Variants in ANKS3 observed in about 807,000 individuals in gnomAD.
The protein encoded by ANKS3 is ankyrin repeat and SAM domain-containing protein 3.
Under a neutral mutation model 80.7 loss-of-function variants are expected in ANKS3, and 62 were observed. The observed-to-expected ratio is 0.77, with a 90% CI of 0.63 to 0.95. The LOEUF is 0.95. ANKS3 is among the 40% of genes least tolerant of loss of function. The pLI is 0.00. For missense variants in ANKS3, 1,150 were observed against 883.6 expected (o/e 1.30, Z -3.82); for synonymous variants, 489 against 355.3 (o/e 1.38, Z -4.23).
At chr16:4,697,264 G>A in intron 16 of ANKS3, 69 bp downstream of exon 16, 3 of 1,551,332 alleles carry the variant, frequency 1.9e-6, no homozygotes, top group South Asian at 1.2e-5. Flanking sequence ...CGCTTTCCCT[G>A]GAAAGGGGTC....
chr16:4,714,040 G>A lies in ANKS3; in HGVS notation c.709+11C>T. On this transcript the variant is annotated intron_variant, in intron 7 of 17. Coordinates refer to ENST00000304283, the MANE Select transcript of ANKS3 (RefSeq NM_133450.4). ...AGACCCCAGCAGGGCGCGGCTGGCAGGTGTGGGTACCTGGGCTCCGATAGA... is the reference window on the plus strand; with the variant it reads ...AGACCCCAGCAGGGCGCGGCTGGCAAGTGTGGGTACCTGGGCTCCGATAGA... 6.2e-7 allele frequency: 1 copy of A among 1,613,892 alleles called. No homozygotes were observed. Among genetic ancestry groups the A allele is most frequent in the African/African-American group, 1.3e-5 (1 of 75,024 alleles).
intron 3 of ANKS3, among the ~76,000 whole-genome samples, chr16:4,728,659 G>C (rs1453308035): frequency 2.0e-5 from 3 of 151,786 alleles, no homozygotes; most frequent in East Asian, 3.9e-4. Context: ...CTTACTATCA[G>C]CAAGCCTCCA....
At chr16:4,731,691 C>G (rs859323) in intron 1 of ANKS3, 112 bp from the exon 2 acceptor site, 294,417 of 513,488 alleles carry the variant, frequency 0.57, 85,763 homozygotes, top group East Asian at 0.67. Context: ...CCCCAACAGA[C>G]AAACCAGGAT....
chr16:4,698,159 G>T, intron 14 of ANKS3, 97 bp from the exon 15 acceptor site: 1 of 1,384,912 alleles, frequency 7.2e-7, no homozygotes, highest in Non-Finnish European at 9.9e-7. Context: ...GCTCAGCCCT[G>T]TCCTTGCAGC....
At chr16:4,712,520 GTAAGGTTGATT>G (rs954572464) in intron 7 of ANKS3, among the ~76,000 whole-genome samples, 9 of 152,138 alleles carry the variant, frequency 5.9e-5, no homozygotes, top group African/African-American at 1.9e-4. Context: ...TGCCAAGAAT[GTAAGGTTGATT>G]CATTATTAGG....
At chr16:4,700,884 G>C (rs762758573) in intron 11 of ANKS3, 86 bp downstream of exon 11, 2 of 1,534,990 alleles carry the variant, frequency 1.3e-6, no homozygotes, top group Non-Finnish European at 9.0e-7. Context: ...AGCAGCGCCT[G>C]GCACGTCATA....
At chr16:4,705,770 T>C (rs1366945469) in intron 7 of ANKS3, among the ~76,000 whole-genome samples, 1 of 152,088 alleles carries the variant, frequency 6.6e-6, no homozygotes. Flanking sequence ...AGGAGTTTAT[T>C]ATCTCTGTTG....
chr16:4,700,017 G>T (rs536011280), intron 11 of ANKS3: 1 of 152,494 alleles, frequency 6.6e-6, no homozygotes, highest in South Asian at 2.1e-4. Context: ...TGAAGGGACC[G>T]AGACGTGTGC....
At chr16:4,707,127 G>C (rs918271290) in intron 7 of ANKS3, among the ~76,000 whole-genome samples, 1 of 152,136 alleles carries the variant, frequency 6.6e-6, no homozygotes, top group Non-Finnish European at 1.5e-5. Context: ...CAATAAGCAA[G>C]GGAACGGCAG....
intron 11 of ANKS3, chr16:4,699,687 G>A (rs561790365): frequency 6.0e-6 from 1 of 167,934 alleles, no homozygotes; most frequent in Non-Finnish European, 1.3e-5. Context: ...GAATGCCACT[G>A]TATGGGGTGG....
intron 1 of ANKS3, among the ~76,000 whole-genome samples, chr16:4,731,926 G>A (rs944726843): frequency 1.3e-5 from 2 of 152,160 alleles, no homozygotes; most frequent in Admixed American, 6.5e-5. Flanking sequence ...GGAAACAAGG[G>A]TAGGAAAGGG....
Position 4,705,120 on chromosome 16 carries a change from G to T in ANKS3, c.843C>A (p.Gly281=). The change falls in exon 8 of 18, where the codon GGC becomes GGA. Residue 281 remains glycine (G), a synonymous_variant. Transcript: ENST00000304283. The part of the protein sequence containing the change: ...ALARITGIGL[G]GRAPRPRYEQ... Reference sequence around the variant, plus strand: ...CATAGCGAGGCCGTGGGGCTCTGCCGCCCAGGCCAATGCCTGTGATCCTGG... The same window carrying T: ...CATAGCGAGGCCGTGGGGCTCTGCCTCCCAGGCCAATGCCTGTGATCCTGG... The T allele has an allele frequency of 1.2e-6, 2 of 1,612,912 alleles. No individual in the cohort carries two copies. Among genetic ancestry groups the T allele is most frequent in the Non-Finnish European group, 1.7e-6 (2 of 1,180,026 alleles).
chr16:4,697,778 T>G lies in ANKS3; in HGVS notation c.1810+199A>C, dbSNP rs139889237. 1.2e-3 allele frequency among the ~76,000 whole-genome samples: 186 copies of G among 152,278 alleles called. 4 individuals carry two copies. The East Asian group carries it at 0.032, about 26-fold the overall frequency. On this transcript the variant is annotated intron_variant, in intron 15 of 17. Coordinates refer to ENST00000304283, the MANE Select transcript of ANKS3 (RefSeq NM_133450.4). ...CTCCTACCCCTGGGGGATAGGCAGT[T>G]TTCCTGTCACAGGTGAGGAAGTGGG...
intron 7 of ANKS3, among the ~76,000 whole-genome samples, chr16:4,707,375 G>A (rs575263426): frequency 5.8e-4 from 87 of 149,256 alleles, no homozygotes; most frequent in Non-Finnish European, 9.6e-4. Flanking sequence ...TCCGCCTCCC[G>A]GGTTCAAGTG....
chr16:4,707,250 C>A (rs558573025), intron 7 of ANKS3, among the ~76,000 whole-genome samples: 1 of 148,490 alleles, frequency 6.7e-6, no homozygotes, highest in Middle Eastern at 3.5e-3. Flanking sequence ...GAATTCAGGG[C>A]AAAACACATT....
At chr16:4,720,070 G>A (rs2081007769) in intron 6 of ANKS3, among the ~76,000 whole-genome samples, 1 of 148,372 alleles carries the variant, frequency 6.7e-6, no homozygotes, top group Non-Finnish European at 1.5e-5. Context: ...GCTGAGCCAG[G>A]CGAATTGCTT....
intron 7 of ANKS3, among the ~76,000 whole-genome samples, chr16:4,710,262 TTA>T: frequency 6.6e-6 from 1 of 152,272 alleles, no homozygotes; most frequent in African/African-American, 2.4e-5. Flanking sequence ...AGACATGATT[TTA>T]AATGTTCTCA....
intron 7 of ANKS3, 70 bp from the exon 8 acceptor site, chr16:4,705,323 C>G: frequency 6.5e-7 from 1 of 1,547,708 alleles, no homozygotes. Context: ...TTACGGCAAA[C>G]TGAAAGAAAG....
At chr16:4,700,169 G>A (rs376402897) in intron 11 of ANKS3, 1 of 152,856 alleles carries the variant, frequency 6.5e-6, no homozygotes, top group African/African-American at 2.4e-5. Context: ...TGTAATCCCA[G>A]CACTTTGGGA....
Sources: gnomAD v4.1 joint callset for allele counts (sites outside exome capture counted in the v4.1 genomes callset) on GRCh38, gnomAD v4.1.1 for gene constraint, MANE v1.5 for transcripts, NCBI Gene and HGNC (gene_info 2026-07-23, HGNC 2026-07-21) for gene names.